KLF6: variants seen among roughly 807,000 people sequenced by gnomAD.
The protein encoded by KLF6 is KLF transcription factor 6.
For missense variants in KLF6, 233 were observed against 359.8 expected, an observed-to-expected ratio of 0.65 and a Z score of 2.85; for synonymous variants, 152 against 147.9, an observed-to-expected ratio of 1.03 and a Z score of -0.20.
Position 3,778,767 on chromosome 10 carries a change from T to C in KLF6, c.*772A>G. Reference sequence around the variant, plus strand: ...AGCATATAGTTCCCCAGACCATGCATGACTTTTTGTATTCTAAGGAAAAGT... The same window carrying C: ...AGCATATAGTTCCCCAGACCATGCACGACTTTTTGTATTCTAAGGAAAAGT... On this transcript the variant is annotated 3_prime_UTR_variant, in exon 4 of 4. Coordinates refer to ENST00000497571, the MANE Select transcript of KLF6 (RefSeq NM_001300.6). 2 of 531,056 alleles carry C rather than the reference T, an allele frequency of 3.8e-6. No homozygotes were observed. The highest frequency in any genetic ancestry group is 7.3e-6 in the Non-Finnish European group (2 of 274,252). 32.9% of individuals were successfully genotyped at this position (531,056 alleles called of 1,614,324 possible). A position where few individuals can be genotyped will look rare whatever the true frequency, so the allele number is the denominator to read the frequency against.
chr10:3,777,546 GGACAGA>G lies in KLF6; in HGVS notation c.*1987_*1992del, dbSNP rs1226186065. The G allele has an allele frequency of 3.9e-6, 2 of 510,988 alleles. No homozygotes were observed. Among genetic ancestry groups the G allele is most frequent in the African/African-American group, 3.8e-5 (2 of 52,428 alleles). 31.7% of individuals were successfully genotyped at this position (510,988 alleles called of 1,614,324 possible). Reference sequence around the variant, plus strand: ...CCCATTCCAGACCTGCCCATTTGATGGACAGAGCAGACAGCCCGGAACAGATTCAAG... The same window carrying G: ...CCCATTCCAGACCTGCCCATTTGATGGCAGACAGCCCGGAACAGATTCAAG... On this transcript the variant is annotated 3_prime_UTR_variant, in exon 4 of 4. Transcript: ENST00000497571.
chr10:3,780,297 A>C lies in KLF6; in HGVS notation c.677-68T>G. 1 of 1,592,256 alleles carries C rather than the reference A, an allele frequency of 6.3e-7. No individual in the cohort carries two copies. The highest frequency in any genetic ancestry group is 1.3e-5 in the African/African-American group (1 of 74,738). On this transcript the variant is annotated intron_variant, in intron 2 of 3. Transcript: ENST00000497571. The surrounding 1 kb of genome is among the most constrained non-coding windows in gnomAD (Gnocchi z 4.6). ...CCCGCAGACGGAAAGGGGAAATTCA[A>C]CAACACACACAGTGGTGGGATGCAA... is the stretch of plus-strand genomic sequence containing the variant.
At position 3,776,978 on chromosome 10, in the gene KLF6, G is replaced by GT; in HGVS notation, c.*2560dup. 2.1e-6 allele frequency: 1 copy of GT among 478,526 alleles called. No individual in the cohort carries two copies. Among genetic ancestry groups the GT allele is most frequent in the Non-Finnish European group, 4.0e-6 (1 of 249,952 alleles). The allele number at this position is 478,526 out of a possible 1,614,324, so 29.6% of individuals were successfully genotyped here. A position where few individuals can be genotyped will look rare whatever the true frequency, so the allele number is the denominator to read the frequency against. On this transcript the variant is annotated 3_prime_UTR_variant, in exon 4 of 4. Coordinates refer to ENST00000497571, the MANE Select transcript of KLF6 (RefSeq NM_001300.6). ...GCTTACCTTCTTGCTTAATGGAATT[G>GT]TTATGGCTAAGCACATAGAAGGCCA...
At chr10:3,779,996 T>C in intron 3 of KLF6, 110 bp downstream of exon 3, 1 of 1,366,072 alleles carries the variant, frequency 7.3e-7, no homozygotes, top group South Asian at 1.2e-5. Context: ...TGTTCACACA[T>C]AGGAAACTGC....
chr10:3,778,943 G>C lies in KLF6; in HGVS notation c.*596C>G, dbSNP rs1269816206. 1.1e-5 allele frequency: 6 copies of C among 534,760 alleles called. No individual in the cohort carries two copies. Among genetic ancestry groups the C allele is most frequent in the Non-Finnish European group, 2.2e-5 (6 of 276,716 alleles). The allele number at this position is 534,760 out of a possible 1,614,324, so 33.1% of individuals were successfully genotyped here. ...GTTCCTCTCACACAGAAAAGGGGGA[G>C]AGAGGCTCTCCCTCCCCACACCACT... On this transcript the variant is annotated 3_prime_UTR_variant, in exon 4 of 4. Coordinates refer to ENST00000497571, the MANE Select transcript of KLF6 (RefSeq NM_001300.6).
Position 3,780,668 on chromosome 10 carries a change from A to G in KLF6, c.677-439T>C, listed in dbSNP as rs1457406850. ...TCTGCAGTTTCCTCAGGGACGTTCTACCTTTCTACAAAGCTGAAGTTACGA... is the reference window on the plus strand; with the variant it reads ...TCTGCAGTTTCCTCAGGGACGTTCTGCCTTTCTACAAAGCTGAAGTTACGA... On this transcript the variant is annotated intron_variant, in intron 2 of 3. Transcript: ENST00000497571. This position sits in a 1 kb window ranked among gnomAD's most constrained non-coding sequence, Gnocchi z 4.6. 5 of 281,480 alleles carry G rather than the reference A, an allele frequency of 1.8e-5. No homozygotes were observed. The highest frequency in any genetic ancestry group is 8.7e-5 in the African/African-American group (4 of 46,056). 17.4% of individuals were successfully genotyped at this position (281,480 alleles called of 1,614,324 possible).
chr10:3,782,077 C>T lies in KLF6; in HGVS notation c.240G>A (p.Lys80=), dbSNP rs766530361. 6.2e-7 allele frequency: 1 copy of T among 1,614,180 alleles called. No homozygotes were observed. The highest frequency in any genetic ancestry group is 8.5e-7 in the Non-Finnish European group (1 of 1,180,032). The change falls in exon 2 of 4, where the codon AAG becomes AAA. Residue 80 remains lysine, a synonymous_variant. Coordinates refer to ENST00000497571, the MANE Select transcript of KLF6 (RefSeq NM_001300.6). The surrounding 1 kb of genome is among the most constrained non-coding windows in gnomAD (Gnocchi z 4.3). ...TGTCCTCTGGAGGACTGGAAGATAT[C>T]TTCAGTTCGGATTCCTCCTTTTTCT... is the stretch of plus-strand genomic sequence containing the variant. ...AREKKEESEL[K]ISSSPPEDTL...
In KLF6 at chr10:3,779,461, G is replaced by A; in HGVS notation, c.*78C>T. The A allele has an allele frequency of 8.0e-7, 1 of 1,256,236 alleles. No individual in the cohort carries two copies. Among genetic ancestry groups the A allele is most frequent in the South Asian group, 1.2e-5 (1 of 83,270 alleles). The allele number at this position is 1,256,236 out of a possible 1,614,324, so 77.8% of individuals were successfully genotyped here. On this transcript the variant is annotated 3_prime_UTR_variant, in exon 4 of 4. Coordinates refer to ENST00000497571, the MANE Select transcript of KLF6 (RefSeq NM_001300.6). ...GGGTGCAGAACGGCATGCTTTGGCT[G>A]GAACACGCATCCCTCCTTCCACGGC...
chr10:3,777,031 T>C lies in KLF6; in HGVS notation c.*2508A>G, dbSNP rs75254297. 4,067 of 512,400 alleles carry C rather than the reference T, an allele frequency of 7.9e-3. 32 individuals carry two copies. The highest frequency in any genetic ancestry group is 0.013 in the Non-Finnish European group (3,411 of 264,034). The allele number at this position is 512,400 out of a possible 1,614,324, so 31.7% of individuals were successfully genotyped here. A position where few individuals can be genotyped will look rare whatever the true frequency, so the allele number is the denominator to read the frequency against. ...AAAGGAGTTTTCCAAACCCAGCAAATCAAGTGCTTGGATTCTGAACTGCCA... is the reference window on the plus strand; with the variant it reads ...AAAGGAGTTTTCCAAACCCAGCAAACCAAGTGCTTGGATTCTGAACTGCCA... On this transcript the variant is annotated 3_prime_UTR_variant, in exon 4 of 4. Transcript: ENST00000497571.
In KLF6 at chr10:3,780,711, G is replaced by C. The variant is rs1386782118; in HGVS notation, c.677-482C>G. On this transcript the variant is annotated intron_variant, in intron 2 of 3. Transcript: ENST00000497571. This position sits in a 1 kb window ranked among gnomAD's most constrained non-coding sequence, Gnocchi z 4.6. Reference sequence around the variant, plus strand: ...AGTTACGAGCTTCTGGAAAGCCCCAGTACAGGGCCCCGGAATCATTCTCTA... The same window carrying C: ...AGTTACGAGCTTCTGGAAAGCCCCACTACAGGGCCCCGGAATCATTCTCTA... The C allele has an allele frequency of 4.3e-6, 1 of 235,290 alleles. No individual in the cohort carries two copies. The highest frequency in any genetic ancestry group is 8.7e-6 in the Non-Finnish European group (1 of 115,284). 14.6% of individuals were successfully genotyped at this position (235,290 alleles called of 1,614,324 possible). A position where few individuals can be genotyped will look rare whatever the true frequency, so the allele number is the denominator to read the frequency against.
chr10:3,785,123 C>T lies in KLF6; in HGVS notation c.-109G>A, dbSNP rs1411695924. On this transcript the variant is annotated 5_prime_UTR_variant, in exon 1 of 4. Coordinates refer to ENST00000497571, the MANE Select transcript of KLF6 (RefSeq NM_001300.6). ...GCAGGTGAAAGTTTCATGCAAACTC[C>T]AGGCTCGCAGAGACGCCCGGCCGGA... is the stretch of plus-strand genomic sequence containing the variant. 6 of 1,555,936 alleles carry T rather than the reference C, an allele frequency of 3.9e-6. No homozygotes were observed. The highest frequency in any genetic ancestry group is 1.9e-5 in the Admixed American group (1 of 52,002).
At chr10:3,784,725 G>C (rs1280859586) in intron 1 of KLF6, among the ~76,000 whole-genome samples, 188 bp downstream of exon 1, 6 of 152,204 alleles carry the variant, frequency 3.9e-5, no homozygotes, top group Non-Finnish European at 5.9e-5. Flanking sequence ...GCCGGGAGTT[G>C]GGGCTTCCCT....
rs1564295523 is a variant in KLF6, at chr10:3,781,407, CTTGTT to C, written c.676+229_676+233del. On this transcript the variant is annotated intron_variant, in intron 2 of 3. Transcript: ENST00000497571. This position sits in a 1 kb window ranked among gnomAD's most constrained non-coding sequence, Gnocchi z 5.8. ...GTCCGTGGAGAAAAGGATCTAGTCT[CTTGTT>C]TGTTTAATCTGAAAATTGTTACACA... is the stretch of plus-strand genomic sequence containing the variant. 2 of 1,492,924 alleles carry C rather than the reference CTTGTT, an allele frequency of 1.3e-6. No homozygotes were observed. Among genetic ancestry groups the C allele is most frequent in the Non-Finnish European group, 1.8e-6 (2 of 1,120,928 alleles). 92.5% of individuals were successfully genotyped at this position (1,492,924 alleles called of 1,614,324 possible).
rs1832370521 is a variant in KLF6 at position 3,776,242 on chromosome 10, A to G, written c.*3297T>C. 1 of 527,490 alleles carries G rather than the reference A, an allele frequency of 1.9e-6. No homozygotes were observed. The highest frequency in any genetic ancestry group is 1.9e-5 in the African/African-American group (1 of 53,024). The allele number at this position is 527,490 out of a possible 1,614,324, so 32.7% of individuals were successfully genotyped here. A position where few individuals can be genotyped will look rare whatever the true frequency, so the allele number is the denominator to read the frequency against. On this transcript the variant is annotated 3_prime_UTR_variant, in exon 4 of 4. Transcript: ENST00000497571. ...TTGTCGTTGTGCAGGTGCCTCTGCAATGCATTCCCTGGCTTGAGCAATGGA... is the reference window on the plus strand; with the variant it reads ...TTGTCGTTGTGCAGGTGCCTCTGCAGTGCATTCCCTGGCTTGAGCAATGGA...
rs998832246 is a variant in KLF6 at position 3,777,003 on chromosome 10, A to G, written c.*2536T>C. On this transcript the variant is annotated 3_prime_UTR_variant, in exon 4 of 4. Transcript: ENST00000497571. Reference sequence around the variant, plus strand: ...GTTATGGCTAAGCACATAGAAGGCCAAAAAAGGAGTTTTCCAAACCCAGCA... The same window carrying G: ...GTTATGGCTAAGCACATAGAAGGCCGAAAAAGGAGTTTTCCAAACCCAGCA... The G allele has an allele frequency of 3.9e-4, 203 of 515,064 alleles. No individual in the cohort carries two copies. The highest frequency in any genetic ancestry group is 6.8e-4 in the Non-Finnish European group (179 of 264,584). 31.9% of individuals were successfully genotyped at this position (515,064 alleles called of 1,614,324 possible).
rs770897792 is a variant in KLF6 at position 3,784,897 on chromosome 10, G to A, written c.102+16C>T. The A allele has an allele frequency of 2.4e-5, 38 of 1,589,284 alleles. No homozygotes were observed. Among genetic ancestry groups the A allele is most frequent in the Non-Finnish European group, 3.1e-5 (36 of 1,168,232 alleles). Reference sequence around the variant, plus strand: ...CGCCCCGGCGCCCGCAGGGAACCGCGGCCGGCTGCGTTTACCTGTTGCCAG... The same window carrying A: ...CGCCCCGGCGCCCGCAGGGAACCGCAGCCGGCTGCGTTTACCTGTTGCCAG... On this transcript the variant is annotated intron_variant, in intron 1 of 3. Transcript: ENST00000497571.
Position 3,778,558 on chromosome 10 carries a change from T to C in KLF6, c.*981A>G. On this transcript the variant is annotated 3_prime_UTR_variant, in exon 4 of 4. Transcript: ENST00000497571. ...CCAAAAAGTTAATTCAAATTCAGAA[T>C]CATTTAAAAATAATCCTGTGTTGCA... is the stretch of plus-strand genomic sequence containing the variant. The C allele has an allele frequency of 1.9e-6, 1 of 520,602 alleles. No individual in the cohort carries two copies. The highest frequency in any genetic ancestry group is 1.5e-5 in the South Asian group (1 of 64,778). The allele number at this position is 520,602 out of a possible 1,614,324, so 32.2% of individuals were successfully genotyped here.
chr10:3,779,680 C>T, intron 3 of KLF6, 90 bp from the exon 4 acceptor site: 1 of 1,160,686 alleles, frequency 8.6e-7, no homozygotes, highest in African/African-American at 1.5e-5. Context: ...CTGCCCTGCC[C>T]AGCCTAACCC....
In KLF6 at chr10:3,777,392, C is replaced by T; in HGVS notation, c.*2147G>A. 2.0e-6 allele frequency: 1 copy of T among 511,218 alleles called. No individual in the cohort carries two copies. The highest frequency in any genetic ancestry group is 3.8e-6 in the Non-Finnish European group (1 of 261,630). 31.7% of individuals were successfully genotyped at this position (511,218 alleles called of 1,614,324 possible). ...TAAAAAGTGTTCTACAAAAGAATCCCTGTGGTTAGCTTACTCTTAGGTTAG... is the reference window on the plus strand; with the variant it reads ...TAAAAAGTGTTCTACAAAAGAATCCTTGTGGTTAGCTTACTCTTAGGTTAG... On this transcript the variant is annotated 3_prime_UTR_variant, in exon 4 of 4. Transcript: ENST00000497571.
Sources: gnomAD v4.1 joint callset for allele counts (sites outside exome capture counted in the v4.1 genomes callset) on GRCh38, gnomAD v4.1.1 for gene constraint, Gnocchi (gnomAD v3.1) non-coding constraint, MANE v1.5 for transcripts, NCBI Gene and HGNC (gene_info 2026-07-23, HGNC 2026-07-21) for gene names.